Variants in PPP2R5C observed in about 807,000 individuals in gnomAD.
PPP2R5C encodes the protein protein phosphatase 2 regulatory subunit B'gamma.
Under a neutral mutation model 68.9 loss-of-function variants are expected in PPP2R5C, and 7 were observed. The ratio of observed to expected loss-of-function variants is 0.10; its 90% CI spans 0.06 to 0.19. The LOEUF (loss-of-function observed/expected upper bound fraction) is 0.19. PPP2R5C is among the 10% of genes least tolerant of loss of function. The pLI, the probability that PPP2R5C is intolerant of heterozygous loss-of-function variation, is 1.00. For missense variants in PPP2R5C, 348 were observed against 641.3 expected (o/e 0.54, Z 4.94); for synonymous variants, 210 against 222.2 (o/e 0.95, Z 0.49).
chr14:101,761,479 AC>A (rs112129851), upstream of PPP2R5C, among the ~76,000 whole-genome samples: 7,115 of 143,926 alleles, frequency 0.049, 589 homozygotes, highest in African/African-American at 0.17. Flanking sequence ...GGGGGCGTGA[AC>A]GGGTCGCGCG....
chr14:101,873,665 C>T (rs921723358), intron 2 of PPP2R5C, among the ~76,000 whole-genome samples: 1 of 152,210 alleles, frequency 6.6e-6, no homozygotes, highest in Non-Finnish European at 1.5e-5. Flanking sequence ...GATCTGTACT[C>T]TGCTGAATAG....
At chr14:101,828,399 T>A (rs1489158260) in intron 1 of PPP2R5C, among the ~76,000 whole-genome samples, 5 of 152,082 alleles carry the variant, frequency 3.3e-5, no homozygotes, top group Admixed American at 3.3e-4. Flanking sequence ...TTATATGAAT[T>A]TTCCATTTTT....
At chr14:101,800,116 G>A (rs1213526710) in intron 3 of PPP2R5C, among the ~76,000 whole-genome samples, 1 of 151,984 alleles carries the variant, frequency 6.6e-6, no homozygotes, top group Non-Finnish European at 1.5e-5. Flanking sequence ...AGGCATGCTG[G>A]TGCACACCTG....
chr14:101,813,879 T>C (rs1439762743), intron 1 of PPP2R5C, among the ~76,000 whole-genome samples: 1 of 152,198 alleles, frequency 6.6e-6, no homozygotes, highest in Non-Finnish European at 1.5e-5. Context: ...AAAAGTTTAT[T>C]TTCTCACAAG....
At chr14:101,791,232 A>C (rs2038351048) in intron 3 of PPP2R5C, among the ~76,000 whole-genome samples, 1 of 152,156 alleles carries the variant, frequency 6.6e-6, no homozygotes, top group South Asian at 2.1e-4. Context: ...ATTATAGCTT[A>C]ATTCTTGTGG....
intron 13 of PPP2R5C, 56 bp from the exon 16 acceptor site, chr14:101,925,085 G>C (rs2047223839): frequency 1.3e-6 from 2 of 1,596,014 alleles, no homozygotes; most frequent in Non-Finnish European, 1.7e-6. Context: ...TCAGAAGTAA[G>C]CTTGCTTTTC....
intron 1 of PPP2R5C, among the ~76,000 whole-genome samples, chr14:101,837,339 G>T (rs1377052062): frequency 6.6e-6 from 1 of 151,882 alleles, no homozygotes; most frequent in African/African-American, 2.4e-5. Flanking sequence ...TAGAGATGGG[G>T]TTTCTCCATG....
At chr14:101,885,085 G>A (rs10140279) in intron 5 of PPP2R5C, among the ~76,000 whole-genome samples, 5,528 of 152,320 alleles carry the variant, frequency 0.036, 218 homozygotes, top group East Asian at 0.094. Flanking sequence ...GTATGATGGC[G>A]TGTCTCTGTG....
At chr14:101,767,912 A>G (rs2036941811) in intron 2 of PPP2R5C, among the ~76,000 whole-genome samples, 1 of 152,104 alleles carries the variant, frequency 6.6e-6, no homozygotes, top group African/African-American at 2.4e-5. Context: ...TCCCTTCTCT[A>G]GCCCCCATTC....
At chr14:101,871,848 A>C (rs1350278664) in intron 2 of PPP2R5C, among the ~76,000 whole-genome samples, 2 of 152,178 alleles carry the variant, frequency 1.3e-5, no homozygotes, top group Non-Finnish European at 2.9e-5. Context: ...TTCAAGCGAT[A>C]ACATACTATT....
chr14:101,882,332 T>C lies in PPP2R5C; in HGVS notation c.405+61T>C. ...GGTGACACATGGGAATGGCCTGGGA[T>C]CCACAGAGCGGGCGCACTGGTCTGG... On this transcript the variant is annotated intron_variant, in intron 3 of 13. Coordinates refer to ENST00000334743, the Ensembl canonical transcript of PPP2R5C. The surrounding 1 kb of genome is among the most constrained non-coding windows in gnomAD (Gnocchi z 4.9). The C allele has an allele frequency of 7.3e-7, 1 of 1,371,122 alleles. No homozygotes were observed. The highest frequency in any genetic ancestry group is 1.0e-6 in the Non-Finnish European group (1 of 988,992). 84.9% of individuals were successfully genotyped at this position (1,371,122 alleles called of 1,614,324 possible). A position where few individuals can be genotyped will look rare whatever the true frequency, so the allele number is the denominator to read the frequency against.
upstream of PPP2R5C, among the ~76,000 whole-genome samples, chr14:101,807,834 C>CT (rs2039135054): frequency 6.6e-6 from 1 of 151,708 alleles, no homozygotes; most frequent in Admixed American, 6.6e-5. Flanking sequence ...TTCACTGTTT[C>CT]TTTGACTCCT....
At chr14:101,769,404 GA>G (rs2037034572) in intron 2 of PPP2R5C, among the ~76,000 whole-genome samples, 1 of 152,210 alleles carries the variant, frequency 6.6e-6, no homozygotes, top group African/African-American at 2.4e-5. Context: ...CTAGAGTCAA[GA>G]AGTATTGAGT....
intron 2 of PPP2R5C, among the ~76,000 whole-genome samples, chr14:101,775,106 G>C (rs1340622819): frequency 6.6e-6 from 1 of 152,212 alleles, no homozygotes; most frequent in Non-Finnish European, 1.5e-5. Context: ...CCCTGGGCCT[G>C]TATCTGAAAC....
At chr14:101,766,879 TGC>T (rs1246163791) in intron 2 of PPP2R5C, 13 of 152,232 alleles carry the variant, frequency 8.5e-5, no homozygotes, top group Admixed American at 8.5e-4. Flanking sequence ...GTTAATAAAT[TGC>T]TCTGAGTTTC....
chr14:101,778,919 A>G (rs1442357197), intron 2 of PPP2R5C, among the ~76,000 whole-genome samples: 1 of 152,006 alleles, frequency 6.6e-6, no homozygotes, highest in Admixed American at 6.5e-5. Flanking sequence ...AATTAGCCAG[A>G]TGTGGTGGTG....
In PPP2R5C at chr14:101,845,179, C is replaced by T. The variant is rs116132405; in HGVS notation, c.95-11507C>T. Among the ~76,000 whole-genome samples the T allele has an allele frequency of 6.8e-3, 1,039 of 152,156 alleles. 8 individuals are homozygous for T. The highest frequency in any genetic ancestry group is 0.024 in the African/African-American group (982 of 41,496). Reference sequence around the variant, plus strand: ...TTGAATCTTCCAATTCAGCTAACACCGTTGAATTCCTCTTGTTGCCTGCAG... The same window carrying T: ...TTGAATCTTCCAATTCAGCTAACACTGTTGAATTCCTCTTGTTGCCTGCAG... On this transcript the variant is annotated intron_variant, in intron 1 of 13. Transcript: ENST00000334743.
upstream of PPP2R5C, among the ~76,000 whole-genome samples, chr14:101,761,214 C>A (rs2036507844): frequency 6.6e-6 from 1 of 152,194 alleles, no homozygotes; most frequent in Non-Finnish European, 1.5e-5. Context: ...AGAGCCGCGG[C>A]GGTGAGGGGG....
rs570843918 is a variant in PPP2R5C at position 101,787,800 on chromosome 14, C to G, written c.259+1617C>G. On this transcript the variant is annotated intron_variant, in intron 3 of 14. Coordinates refer to the PPP2R5C transcript ENST00000328724. ...AAAAAAAAAAAAATCCAGGTTCTCG[C>G]TTGCATTTTCTAGAGCTTGTATTTG... Among the ~76,000 whole-genome samples, 100 of 151,186 alleles carry G rather than the reference C, an allele frequency of 6.6e-4. 1 individual carries two copies. In the South Asian group the frequency reaches 0.01, roughly 15 times the overall value.
Sources: gnomAD v4.1 joint callset for allele counts (sites outside exome capture counted in the v4.1 genomes callset) on GRCh38, gnomAD v4.1.1 for gene constraint, Gnocchi (gnomAD v3.1) non-coding constraint, MANE v1.5 for transcripts, NCBI Gene and HGNC (gene_info 2026-07-23, HGNC 2026-07-21) for gene names.